AKR1C3: variants seen among roughly 807,000 people sequenced by gnomAD.
The protein encoded by AKR1C3 is 3-alpha hydroxysteroid dehydrogenase, type II.
Under a neutral mutation model 43.6 loss-of-function variants are expected in AKR1C3, and 48 were observed. The ratio of observed to expected loss-of-function variants is 1.10; its 90% CI spans 0.87 to 1.40. The LOEUF (loss-of-function observed/expected upper bound fraction) is 1.40, where lower values mean the gene tolerates loss of function less well. Among genes scored for constraint, AKR1C3 ranks in the 40% most tolerant of loss-of-function variants. The probability of loss-of-function intolerance (pLI) is 0.00; values close to 1 mark genes in which losing one functional copy is unlikely to be tolerated. For missense variants in AKR1C3, 482 were observed against 391.2 expected (o/e 1.23, Z -1.96); for synonymous variants, 162 against 139.6 (o/e 1.16, Z -1.13).
intron 8 of AKR1C3, among the ~76,000 whole-genome samples, chr10:5,106,359 G>A (rs1839500587): frequency 1.3e-5 from 2 of 152,128 alleles, no homozygotes; most frequent in Non-Finnish European, 2.9e-5. Flanking sequence ...AAGCTCCATT[G>A]TTGTATATAA....
intron 1 of AKR1C3, among the ~76,000 whole-genome samples, chr10:5,069,572 C>T (rs1554781140): frequency 6.6e-6 from 1 of 152,034 alleles, no homozygotes; most frequent in African/African-American, 2.4e-5. Context: ...TTAAGCGAAA[C>T]CCTAAAAAGC....
At chr10:5,091,619 G>A (rs1302369519), upstream of AKR1C3, among the ~76,000 whole-genome samples, 1 of 151,856 alleles carries the variant, frequency 6.6e-6, no homozygotes, top group Non-Finnish European at 1.5e-5. Context: ...TTACTCTTGG[G>A]ATTATATACA....
chr10:5,051,438 A>G (rs116936037), intron 1 of AKR1C3, among the ~76,000 whole-genome samples: 1,734 of 152,306 alleles, frequency 0.011, 13 homozygotes, highest in Non-Finnish European at 0.017. Context: ...AGGGGAGTAG[A>G]ATTGAATAAT....
Position 5,099,349 on chromosome 10 carries a change from C to T in AKR1C3, c.470C>T (p.Ala157Val), listed in dbSNP as rs370932816. ...TWEAMEKCKD[A>V]GLAKSIGVSN... ...CAGGCCATGGAGAAGTGTAAGGATG[C>T]AGGATTGGCCAAGTCCATTGGGGTG... The change falls in exon 5 of 9, where the codon GCA (alanine) becomes GTA (valine). Residue 157 changes from alanine to valine, a missense_variant. Physicochemically the swap from Ala to Val is moderately conservative, Grantham distance 64. Transcript: ENST00000380554. 3 of 1,614,034 alleles carry T rather than the reference C, an allele frequency of 1.9e-6. No homozygotes were observed. The highest frequency in any genetic ancestry group is 1.3e-5 in the African/African-American group (1 of 74,916).
intron 1 of AKR1C3, among the ~76,000 whole-genome samples, chr10:5,067,056 G>T (rs1452779585): frequency 6.7e-6 from 1 of 150,022 alleles, no homozygotes; most frequent in Non-Finnish European, 1.5e-5. Flanking sequence ...TTGTTTGTTT[G>T]TTTTTGAATG....
At chr10:5,082,924 G>A (rs1554782540) in intron 1 of AKR1C3, among the ~76,000 whole-genome samples, 3 of 151,936 alleles carry the variant, frequency 2.0e-5, no homozygotes, top group African/African-American at 7.3e-5. Flanking sequence ...CTGGTCCCAC[G>A]CTATTTTTCA....
At chr10:5,072,826 A>G (rs1418836472) in intron 1 of AKR1C3, among the ~76,000 whole-genome samples, 1 of 152,210 alleles carries the variant, frequency 6.6e-6, no homozygotes, top group Non-Finnish European at 1.5e-5. Flanking sequence ...GTTATCATTT[A>G]TCTCAAGAAG....
intron 1 of AKR1C3, among the ~76,000 whole-genome samples, chr10:5,064,209 A>G (rs1202653801): frequency 1.3e-4 from 20 of 152,182 alleles, no homozygotes; most frequent in Admixed American, 1.2e-3. Flanking sequence ...AAAGTCACCC[A>G]TGAGGGTACT....
chr10:5,056,981 A>G (rs1838274826), intron 1 of AKR1C3, among the ~76,000 whole-genome samples: 2 of 152,182 alleles, frequency 1.3e-5, no homozygotes, highest in Admixed American at 6.5e-5. Context: ...GAGGAAGTCA[A>G]TTTCCTGGTC....
chr10:5,083,422 G>A (rs11252927), intron 1 of AKR1C3, among the ~76,000 whole-genome samples: 30,034 of 151,994 alleles, frequency 0.2, 3,822 homozygotes, highest in East Asian at 0.62. Flanking sequence ...ATTTTTTATG[G>A]CTGCATAGTA....
At chr10:5,056,294 A>T (rs1838261000) in intron 1 of AKR1C3, among the ~76,000 whole-genome samples, 1 of 152,148 alleles carries the variant, frequency 6.6e-6, no homozygotes, top group Non-Finnish European at 1.5e-5. Flanking sequence ...GTCAGAGTGC[A>T]GGGGAATACA....
rs1208772849 is a variant in AKR1C3 at position 5,098,814 on chromosome 10, C to T, written c.382C>T (p.Leu128Phe). The change falls in exon 4 of 9, where the codon CTT becomes TTT. Residue 128 changes from leucine to phenylalanine, a missense_variant. By Grantham distance (22) the Leu-to-Phe change is conservative. Coordinates refer to ENST00000380554, the MANE Select transcript of AKR1C3 (RefSeq NM_003739.6). ...SPMSLKPGEE[L>F]SPTDENGKVI... ...GCTTCTATTTCAGCCAGGTGAGGAA[C>T]TTTCACCAACAGATGAAAATGGAAA... 6.2e-7 allele frequency: 1 copy of T among 1,613,232 alleles called. No homozygotes were observed. Among genetic ancestry groups the T allele is most frequent in the East Asian group, 2.2e-5 (1 of 44,824 alleles).
At chr10:5,098,683 T>G in intron 3 of AKR1C3, 119 bp from the exon 4 acceptor site, 1 of 770,180 alleles carries the variant, frequency 1.3e-6, no homozygotes, top group Non-Finnish European at 2.2e-6. Flanking sequence ...CATATCACTT[T>G]CTGGAGCATT....
chr10:5,083,141 ATGTATACATG>A (rs1389506254), intron 1 of AKR1C3, among the ~76,000 whole-genome samples: 8 of 152,138 alleles, frequency 5.3e-5, no homozygotes, highest in Admixed American at 5.2e-4. Flanking sequence ...TTTGTTACAT[ATGTATACATG>A]TGCCATGTTG....
intron 1 of AKR1C3, among the ~76,000 whole-genome samples, chr10:5,058,442 G>T (rs527349663): frequency 5.3e-5 from 8 of 152,142 alleles, no homozygotes; most frequent in Non-Finnish European, 1.0e-4. Context: ...TCTTTTTCAG[G>T]GTTTGTGGGT....
chr10:5,055,723 G>A (rs143628122), intron 1 of AKR1C3, among the ~76,000 whole-genome samples: 1 of 152,160 alleles, frequency 6.6e-6, no homozygotes, highest in Non-Finnish European at 1.5e-5. Context: ...TAAAGATGGA[G>A]CTTGTACTAG....
At chr10:5,102,781 C>T (rs1564371620) in intron 7 of AKR1C3, 131 bp downstream of exon 7, 3 of 1,486,484 alleles carry the variant, frequency 2.0e-6, no homozygotes, top group Non-Finnish European at 2.7e-6. Context: ...GCTTTGCGTG[C>T]ATCCTGAGGG....
chr10:5,049,213 G>T (rs1838101071), intron 1 of AKR1C3, among the ~76,000 whole-genome samples: 1 of 152,148 alleles, frequency 6.6e-6, no homozygotes, highest in East Asian at 1.9e-4. Flanking sequence ...CTTGGAAATT[G>T]ATGGCAATAG....
Position 5,102,576 on chromosome 10 carries a change from C to A in AKR1C3, c.772C>A (p.Arg258Ser), listed in dbSNP as rs62621365. ...HKRTPALIAL[R>S]YQLQRGVVVL... ...GCGAACCCCAGCCCTGATTGCCCTG[C>A]GCTACCAGCTGCAGCGTGGGGTTGT... Residue 258 changes from arginine to serine, a missense_variant, in exon 7 of 9, where the codon CGC (arginine) becomes AGC (serine). Arg to Ser is a moderately radical substitution (Grantham distance 110). Transcript: ENST00000380554. 3.9e-6 allele frequency: 6 copies of A among 1,557,750 alleles called. No homozygotes were observed. Among genetic ancestry groups the A allele is most frequent in the Non-Finnish European group, 5.2e-6 (6 of 1,149,036 alleles).
Sources: allele counts gnomAD v4.1 joint callset (sites outside exome capture counted in the v4.1 genomes callset), GRCh38; gene constraint gnomAD v4.1.1; transcripts MANE v1.5; gene names NCBI Gene and HGNC (gene_info 2026-07-23, HGNC 2026-07-21).